The following F5 variants were observed in gnomAD, a reference collection of about 807,000 sequenced individuals.
F5 encodes the protein coagulation factor V, also known as activated protein c cofactor.
F5 carries 138 observed loss-of-function variants against 216.4 expected under a neutral mutation model. The ratio of observed to expected loss-of-function variants is 0.64; its 90% CI spans 0.56 to 0.73. The LOEUF (loss-of-function observed/expected upper bound fraction) is 0.73. Ranked by LOEUF, F5 falls within the 30% of genes least tolerant of loss-of-function variation. The pLI is 0.00. For synonymous variants in F5, 916 were observed against 930.7 expected, an observed-to-expected ratio of 0.98 and a Z score of 0.29; for missense variants, 2,403 against 2,674.0, an observed-to-expected ratio of 0.90 and a Z score of 2.24.
rs181345488 is a variant in F5, at chr1:169,573,197, C to G, written c.251-854G>C. Reference sequence around the variant, plus strand: ...TCCTGACCTCAGGTGATACACCCGCCTCAGCCTCCCAAAGTGCTGGGATTA... The same window carrying G: ...TCCTGACCTCAGGTGATACACCCGCGTCAGCCTCCCAAAGTGCTGGGATTA... On this transcript the variant is annotated intron_variant, in intron 2 of 24. Coordinates refer to ENST00000367797, the MANE Select transcript of F5 (RefSeq NM_000130.5). Among the ~76,000 whole-genome samples the G allele has an allele frequency of 2.0e-4, 31 of 152,320 alleles. No individual in the cohort carries two copies. In the East Asian group the frequency reaches 6.0e-3, roughly 29 times the overall value.
intron 3 of F5, among the ~76,000 whole-genome samples, chr1:169,568,815 G>A (rs544658250): frequency 6.6e-6 from 1 of 152,244 alleles, no homozygotes; most frequent in East Asian, 1.9e-4. Context: ...CTTTGGGAAA[G>A]TGAAGTTACA....
intron 3 of F5, among the ~76,000 whole-genome samples, chr1:169,564,496 G>A (rs570262263): frequency 2.7e-4 from 41 of 151,896 alleles, no homozygotes; most frequent in Non-Finnish European, 4.9e-4. Context: ...GGGCACATCT[G>A]GTTTGTTACT....
Position 169,514,262 on chromosome 1 carries a change from A to G in F5, c.*51T>C. On this transcript the variant is annotated 3_prime_UTR_variant, in exon 25 of 25. Coordinates refer to ENST00000367797, the MANE Select transcript of F5 (RefSeq NM_000130.5). ...GCGTAAAATACATTGCCCATTCTAA[A>G]TGGTTTGAGGTCTTAAAGAGTCTCT... is the stretch of plus-strand genomic sequence containing the variant. 1 of 1,572,268 alleles carries G rather than the reference A, an allele frequency of 6.4e-7. No individual in the cohort carries two copies. The highest frequency in any genetic ancestry group is 2.2e-5 in the East Asian group (1 of 44,672).
Position 169,549,902 on chromosome 1 carries a change from G to GTCT in F5, c.1507_1509dup (p.Arg503dup). 1 of 1,614,092 alleles carries GTCT rather than the reference G, an allele frequency of 6.2e-7. No homozygotes were observed. The highest frequency in any genetic ancestry group is 8.5e-7 in the Non-Finnish European group (1 of 1,179,970). On this transcript the variant is annotated inframe_insertion, in exon 10 of 25. Coordinates refer to ENST00000367797, the MANE Select transcript of F5 (RefSeq NM_000130.5). ...ATGATGTCCACGTCACTGTAGTATG[G>GTCT]TCTTGTTAAGCACTGGGCATCATTT...
intron 18 of F5, among the ~76,000 whole-genome samples, chr1:169,525,512 T>C (rs556599274): frequency 1.9e-4 from 29 of 152,284 alleles, no homozygotes; most frequent in African/African-American, 6.7e-4. Flanking sequence ...GCTTAAAGAA[T>C]GGATGAACAG....
At chr1:169,520,384 G>A in intron 22 of F5, 136 bp downstream of exon 22, 1 of 1,050,882 alleles carries the variant, frequency 9.5e-7, no homozygotes, top group Admixed American at 1.8e-5. Context: ...TACCTGAGTA[G>A]AACCTCTGTT....
Position 169,546,445 on chromosome 1 carries a change from T to C in F5, c.1759A>G (p.Ser587Gly). The change falls in exon 11 of 25, where the codon AGC becomes GGC. Residue 587 changes from serine to glycine, a missense_variant. Ser to Gly is a moderately conservative substitution (Grantham distance 56). Around this residue, in one of 4 missense-constraint regions of F5, gnomAD observed 1,425 missense variants for 1,554.8 expected, o/e 0.92. Coordinates refer to ENST00000367797, the MANE Select transcript of F5 (RefSeq NM_000130.5). ...CAAAAATAGTACTCTGACTTACTGC[T>C]CATGATGTTTGATTCATAAAACTTG... ...DPKFYESNIM[S>G]TINGYVPESI... 1 of 1,614,060 alleles carries C rather than the reference T, an allele frequency of 6.2e-7. No individual in the cohort carries two copies. Among genetic ancestry groups the C allele is most frequent in the Non-Finnish European group, 8.5e-7 (1 of 1,179,978 alleles).
chr1:169,560,687 T>A lies in F5; in HGVS notation c.453A>T (p.Glu151Asp), dbSNP rs369740525. The change falls in exon 4 of 25, where the codon GAA becomes GAT. Residue 151 changes from glutamate to aspartate, a missense_variant. By Grantham distance (45) the Glu-to-Asp change is conservative. Transcript: ENST00000367797. ...GTCCACTGTCCTCACTGATACTCCA[T>A]TCATAGGTGTATTCTCGGCCTGGAG... The part of the protein sequence containing the change: ...AVAPGREYTY[E>D]WSISEDSGPT... 1.9e-6 allele frequency: 3 copies of A among 1,613,642 alleles called. No individual in the cohort carries two copies. The African/African-American group carries it at 4.0e-5, about 22-fold the overall frequency.
At chr1:169,520,963 A>G (rs1293039591) in intron 21 of F5, among the ~76,000 whole-genome samples, 1 of 152,190 alleles carries the variant, frequency 6.6e-6, no homozygotes, top group East Asian at 1.9e-4. Context: ...AAGGAACAAA[A>G]TGGTGATCAG....
chr1:169,546,635 A>G lies in F5; in HGVS notation c.1612-43T>C, dbSNP rs141158082. The G allele has an allele frequency of 8.9e-5, 140 of 1,565,090 alleles. 1 individual carries two copies. The African/African-American group carries it at 1.6e-3, about 18-fold the overall frequency. On this transcript the variant is annotated intron_variant, in intron 10 of 24. Coordinates refer to ENST00000367797, the MANE Select transcript of F5 (RefSeq NM_000130.5). ...ATAGTACTGGTACAAGAACAGACGC[A>G]TAGACCAATGGAACAGAATAGAGAA...
intron 11 of F5, among the ~76,000 whole-genome samples, chr1:169,545,208 T>G (rs540378052): frequency 4.5e-4 from 69 of 152,318 alleles, no homozygotes; most frequent in African/African-American, 1.6e-3. Flanking sequence ...CTTTAATAAT[T>G]TACATGATGT....
At position 169,515,612 on chromosome 1, in the gene F5, CTTA is replaced by C; in HGVS notation, c.6357_6359del (p.Asn2119del). On this transcript the variant is annotated inframe_deletion, in exon 24 of 25. Coordinates refer to ENST00000367797, the MANE Select transcript of F5 (RefSeq NM_000130.5). The stretch of plus-strand genomic sequence containing the variant: ...TGAGTAGATCAATTTCTAGCCACTG[CTTA>C]TTGTTGTTTGCCTATGAAAATGACA... The C allele has an allele frequency of 5.6e-6, 9 of 1,612,724 alleles. No individual in the cohort carries two copies. In the Middle Eastern group the frequency reaches 6.6e-4, roughly 118 times the overall value.
At chr1:169,564,394 A>G (rs770633628) in intron 3 of F5, among the ~76,000 whole-genome samples, 1 of 151,862 alleles carries the variant, frequency 6.6e-6, no homozygotes, top group Non-Finnish European at 1.5e-5. Context: ...TCCAAACTCT[A>G]TTTCCTCAAC....
chr1:169,566,023 A>G (rs530466481), intron 3 of F5, among the ~76,000 whole-genome samples: 74 of 152,272 alleles, frequency 4.9e-4, no homozygotes, highest in African/African-American at 1.8e-3. Context: ...AATAAGCAGG[A>G]AGCATTATCT....
At chr1:169,522,250 A>C (rs1349970919) in intron 21 of F5, among the ~76,000 whole-genome samples, 3 of 152,218 alleles carry the variant, frequency 2.0e-5, no homozygotes, top group African/African-American at 7.2e-5. Context: ...TTCCTACCAA[A>C]TATTTAAAGA....
At position 169,543,099 on chromosome 1, in the gene F5, G is replaced by T. The variant is rs368119979; in HGVS notation, c.1991C>A (p.Thr664Asn). Reference sequence around the variant, plus strand: ...GCTTCTTGGACTAGAATTCATGGAAGTTAACATCCAAGTTCCTACAGAAGA... The same window carrying T: ...GCTTCTTGGACTAGAATTCATGGAATTTAACATCCAAGTTCCTACAGAAGA... ...TMDNVGTWML[T>N]SMNSSPRSKK... is the part of the protein sequence containing the mutation. Residue 664 changes from threonine (T) to asparagine (N), a missense_variant, in exon 13 of 25, where the codon ACT (threonine) becomes AAT (asparagine). Around this residue, in one of 4 missense-constraint regions of F5, gnomAD observed 1,425 missense variants for 1,554.8 expected, o/e 0.92. Coordinates refer to ENST00000367797, the MANE Select transcript of F5 (RefSeq NM_000130.5). 4 of 1,613,600 alleles carry T rather than the reference G, an allele frequency of 2.5e-6. No individual in the cohort carries two copies. The highest frequency in any genetic ancestry group is 3.4e-6 in the Non-Finnish European group (4 of 1,179,856).
rs1659219297 is a variant in F5, at chr1:169,518,699, G to C, written c.6194-136C>G. On this transcript the variant is annotated intron_variant, in intron 22 of 24. Coordinates refer to ENST00000367797, the MANE Select transcript of F5 (RefSeq NM_000130.5). ...ATAACCACAACAATGAAGATTTATTGAATCCAAGTGCCAAATACTGTTCTC... is the reference window on the plus strand; with the variant it reads ...ATAACCACAACAATGAAGATTTATTCAATCCAAGTGCCAAATACTGTTCTC... 3.1e-6 allele frequency: 3 copies of C among 978,502 alleles called. No individual in the cohort carries two copies. The African/African-American group carries it at 4.8e-5, about 16-fold the overall frequency. 60.6% of individuals were successfully genotyped at this position (978,502 alleles called of 1,614,324 possible).
At position 169,572,318 on chromosome 1, in the gene F5, A is replaced by C. The variant is rs769639191; in HGVS notation, c.276T>G (p.Ala92=). 7 of 1,613,300 alleles carry C rather than the reference A, an allele frequency of 4.3e-6. No homozygotes were observed. The South Asian group carries it at 7.7e-5, about 18-fold the overall frequency. ...ISGLLGPTLY[A]EVGDIIKVHF... is the part of the protein sequence containing the mutation. ...GAACTTTTATGATGTCTCCGACTTC[A>C]GCATATAAAGTAGGCCCAAGAAGTC... The change falls in exon 3 of 25, where the codon GCT becomes GCG. Residue 92 remains alanine, a synonymous_variant. Transcript: ENST00000367797.
In F5 at chr1:169,524,819, C is replaced by T; in HGVS notation, c.5788+18G>A. 6.2e-7 allele frequency: 1 copy of T among 1,607,256 alleles called. No individual in the cohort carries two copies. Among genetic ancestry groups the T allele is most frequent in the South Asian group, 1.1e-5 (1 of 90,942 alleles). ...ACTGTAGGGGGTACCATTCACAGAC[C>T]ATGGTGCTACAACTTACCCAGAAAC... is the stretch of plus-strand genomic sequence containing the variant. On this transcript the variant is annotated intron_variant, in intron 19 of 24. Coordinates refer to ENST00000367797, the MANE Select transcript of F5 (RefSeq NM_000130.5).
Sources: allele counts gnomAD v4.1 joint callset (sites outside exome capture counted in the v4.1 genomes callset), GRCh38; gene constraint gnomAD v4.1.1; regional missense constraint gnomAD v4.1.1; transcripts MANE v1.5; gene names NCBI Gene and HGNC (gene_info 2026-07-23, HGNC 2026-07-21).